CAB39L: variants seen among roughly 807,000 people sequenced by gnomAD.
CAB39L encodes calcium-binding protein 39-like.
Under a neutral mutation model 39.1 loss-of-function variants are expected in CAB39L, and 23 were observed. The ratio of observed to expected loss-of-function variants is 0.59; its 90% CI spans 0.42 to 0.83. The LOEUF (loss-of-function observed/expected upper bound fraction) is 0.83, where lower values mean the gene tolerates loss of function less well. Ranked by LOEUF, CAB39L falls within the 40% of genes least tolerant of loss-of-function variation. The pLI, the probability that CAB39L is intolerant of heterozygous loss-of-function variation, is 0.00. For synonymous variants in CAB39L, 126 were observed against 137.2 expected (o/e 0.92, Z 0.57); for missense variants, 366 against 391.9 (o/e 0.93, Z 0.56).
chr13:49,368,188 T>C (rs188750005), intron 5 of CAB39L, among the ~76,000 whole-genome samples: 49 of 152,312 alleles, frequency 3.2e-4, no homozygotes, highest in African/African-American at 9.9e-4. Flanking sequence ...AGCATTCCAG[T>C]AGAAATGAAG....
chr13:49,377,559 G>A (rs1005564161), intron 4 of CAB39L, among the ~76,000 whole-genome samples: 1 of 88,200 alleles, frequency 1.1e-5, no homozygotes, highest in Non-Finnish European at 2.3e-5. Context: ...GCGCCGCCAC[G>A]CCTGACTGGT....
At chr13:49,390,354 C>A (rs1956461494) in intron 3 of CAB39L, among the ~76,000 whole-genome samples, 1 of 151,992 alleles carries the variant, frequency 6.6e-6, no homozygotes, top group Non-Finnish European at 1.5e-5. Context: ...TTAAGTGATC[C>A]TCCCACCTCA....
intron 6 of CAB39L, among the ~76,000 whole-genome samples, chr13:49,352,396 T>C (rs1431334149): frequency 1.3e-5 from 2 of 151,578 alleles, no homozygotes; most frequent in African/African-American, 2.4e-5. Context: ...ATAGGAAGAA[T>C]AGAACAAAGA....
intron 8 of CAB39L, 58 bp downstream of exon 8, chr13:49,344,121 G>T: frequency 9.9e-7 from 1 of 1,006,422 alleles, no homozygotes; most frequent in Non-Finnish European, 1.6e-6. Flanking sequence ...ATTGCTCATA[G>T]ATCTAAAAGG....
chr13:49,382,614 A>G (rs1956272398), intron 4 of CAB39L, 186 bp downstream of exon 4: 1 of 508,728 alleles, frequency 2.0e-6, no homozygotes, highest in East Asian at 3.7e-5. Flanking sequence ...GAGTGAACCT[A>G]AAGTTCATCA....
At chr13:49,382,679 T>A in intron 4 of CAB39L, 121 bp downstream of exon 4, 2 of 644,214 alleles carry the variant, frequency 3.1e-6, no homozygotes, top group Non-Finnish European at 5.5e-6. Context: ...TTAAATCTAT[T>A]TATAGAGGGT....
At chr13:49,417,702 G>GA (rs769827204) in intron 3 of CAB39L, among the ~76,000 whole-genome samples, 62 of 101,444 alleles carry the variant, frequency 6.1e-4, no homozygotes, top group Non-Finnish European at 1.2e-3. Context: ...TATTCTATCA[G>GA]GGGAAGACTG....
chr13:49,326,953 G>A (rs1011634176), intron 10 of CAB39L, among the ~76,000 whole-genome samples: 3 of 152,148 alleles, frequency 2.0e-5, no homozygotes, highest in Middle Eastern at 6.8e-3. Context: ...CAATTCCTTC[G>A]GTCCAAGGGT....
chr13:49,371,185 CTTTCTTTTTT>C (rs1024923686), intron 5 of CAB39L, among the ~76,000 whole-genome samples: 1 of 112,626 alleles, frequency 8.9e-6, no homozygotes, highest in Non-Finnish European at 2.0e-5. Flanking sequence ...TTTTCTTTTT[CTTTCTTTTTT>C]TTTTTTTTTG....
intron 10 of CAB39L, among the ~76,000 whole-genome samples, chr13:49,318,851 T>G (rs1359451088): frequency 6.6e-6 from 1 of 151,694 alleles, no homozygotes; most frequent in Non-Finnish European, 1.5e-5. Context: ...GCAGCACTAT[T>G]TACAATAGCC....
intron 1 of CAB39L, among the ~76,000 whole-genome samples, chr13:49,442,787 C>CAAAAAAAAAAAAAAAAAAAAAAAAAAA (rs71078844): frequency 9.6e-6 from 1 of 103,690 alleles, no homozygotes. Flanking sequence ...GACTCCATCT[C>CAAAAAAAAAAAAAAAAAAAAAAAAAAA]AAAAAAAAAA....
chr13:49,319,340 C>A (rs1954281820), intron 10 of CAB39L, among the ~76,000 whole-genome samples: 1 of 152,136 alleles, frequency 6.6e-6, no homozygotes, highest in Non-Finnish European at 1.5e-5. Flanking sequence ...AAACACCACA[C>A]AAAAGGCCAC....
intron 7 of CAB39L, among the ~76,000 whole-genome samples, chr13:49,349,026 C>T (rs899007731): frequency 6.6e-6 from 1 of 152,202 alleles, no homozygotes; most frequent in African/African-American, 2.4e-5. Context: ...CTTTGTGTCA[C>T]CATGTGACCT....
In CAB39L at chr13:49,338,166, A is replaced by C. The variant is rs572464870; in HGVS notation, c.690+1511T>G. Among the ~76,000 whole-genome samples, 4 of 152,270 alleles carry C rather than the reference A, an allele frequency of 2.6e-5. No individual in the cohort carries two copies. The East Asian group carries it at 7.7e-4, about 29-fold the overall frequency. ...CAAAATTTCGGTATATACCCAAAGG[A>C]CTATAAATCATGCTGCTATAAAGAC... On this transcript the variant is annotated intron_variant, in intron 9 of 10. Transcript: ENST00000409308.
chr13:49,411,691 T>C (rs146048178), intron 3 of CAB39L, among the ~76,000 whole-genome samples: 2 of 152,254 alleles, frequency 1.3e-5, no homozygotes, highest in African/African-American at 2.4e-5. Flanking sequence ...GCACAGTAGA[T>C]GCACTTGGCA....
intron 3 of CAB39L, among the ~76,000 whole-genome samples, chr13:49,411,522 T>C (rs1225832703): frequency 6.6e-6 from 1 of 152,076 alleles, no homozygotes. Context: ...CAGGCATACG[T>C]AGATGTATGT....
At chr13:49,341,528 C>T (rs1955006223) in intron 8 of CAB39L, among the ~76,000 whole-genome samples, 1 of 152,082 alleles carries the variant, frequency 6.6e-6, no homozygotes, top group Non-Finnish European at 1.5e-5. Flanking sequence ...TTTGGGATGC[C>T]TCTAGCAATA....
intron 7 of CAB39L, among the ~76,000 whole-genome samples, chr13:49,347,081 T>C (rs930691552): frequency 9.2e-5 from 14 of 152,240 alleles, no homozygotes; most frequent in African/African-American, 3.1e-4. Flanking sequence ...ACAAAACCCT[T>C]TGAAACCAGC....
At chr13:49,414,982 G>C (rs1403720299) in intron 3 of CAB39L, among the ~76,000 whole-genome samples, 1 of 151,766 alleles carries the variant, frequency 6.6e-6, no homozygotes, top group Non-Finnish European at 1.5e-5. Flanking sequence ...GATCACTTGA[G>C]GTCAGGCGTT....
Sources: gnomAD v4.1 joint callset for allele counts (sites outside exome capture counted in the v4.1 genomes callset) on GRCh38, gnomAD v4.1.1 for gene constraint, MANE v1.5 for transcripts, NCBI Gene and HGNC (gene_info 2026-07-23, HGNC 2026-07-21) for gene names.